The following KCNK2 variants were observed in gnomAD, a reference collection of about 807,000 sequenced individuals.
KCNK2 encodes potassium two pore domain channel subfamily K member 2.
KCNK2 carries 21 observed loss-of-function variants against 40.5 expected under a neutral mutation model. That is an observed-to-expected ratio of 0.52 (90% CI 0.37 to 0.75). The LOEUF (loss-of-function observed/expected upper bound fraction) is 0.75. Ranked by LOEUF, KCNK2 falls within the 30% of genes least tolerant of loss-of-function variation. KCNK2 has a pLI of 0.00. For synonymous variants in KCNK2, 191 were observed against 202.2 expected (o/e 0.94, Z 0.47); for missense variants, 399 against 531.6 (o/e 0.75, Z 2.45).
chr1:215,187,321 T>G (rs899821524), intron 5 of KCNK2, among the ~76,000 whole-genome samples: 8 of 152,182 alleles, frequency 5.3e-5, no homozygotes, highest in African/African-American at 1.9e-4. Context: ...ATGTGAGAAT[T>G]AGTGTTGATT....
rs530872890 is a variant in KCNK2, at chr1:215,169,422, T to G, written c.636+63T>G. ...TTTGATTTTTTTAAAAAATTATATC[T>G]TTTCTGTCACCTCAGATACAATTAG... is the stretch of plus-strand genomic sequence containing the variant. On this transcript the variant is annotated intron_variant, in intron 4 of 6. Transcript: ENST00000444842. 408 of 1,292,722 alleles carry G rather than the reference T, an allele frequency of 3.2e-4. 1 individual carries two copies. The highest frequency in any genetic ancestry group is 4.1e-4 in the Non-Finnish European group (377 of 928,228). 80.1% of individuals were successfully genotyped at this position (1,292,722 alleles called of 1,614,324 possible).
At chr1:215,152,400 G>A (rs1284527282) in intron 3 of KCNK2, among the ~76,000 whole-genome samples, 1 of 152,058 alleles carries the variant, frequency 6.6e-6, no homozygotes, top group Non-Finnish European at 1.5e-5. Flanking sequence ...CAGTCATCAG[G>A]AGCCCAAAAT....
intron 3 of KCNK2, among the ~76,000 whole-genome samples, chr1:215,152,051 T>C (rs1013365331): frequency 3.9e-5 from 6 of 152,174 alleles, no homozygotes; most frequent in Non-Finnish European, 7.4e-5. Flanking sequence ...ATTCTTTTGT[T>C]CACACTCCTT....
intron 1 of KCNK2, among the ~76,000 whole-genome samples, chr1:215,060,078 C>T (rs1658316167): frequency 6.6e-6 from 1 of 152,096 alleles, no homozygotes; most frequent in Non-Finnish European, 1.5e-5. Flanking sequence ...ATATTTGCTC[C>T]CTTCACTTTC....
At chr1:215,006,523 T>C (rs954556633) in intron 1 of KCNK2, among the ~76,000 whole-genome samples, 3 of 152,166 alleles carry the variant, frequency 2.0e-5, no homozygotes, top group African/African-American at 7.2e-5. Flanking sequence ...ATAGTTTATT[T>C]AGCAAGTAGT....
chr1:215,208,406 G>A (rs541708586), intron 6 of KCNK2, among the ~76,000 whole-genome samples: 29 of 152,180 alleles, frequency 1.9e-4, no homozygotes, highest in South Asian at 2.1e-4. Context: ...ATTGGGTACC[G>A]GGCTTAATAC....
intron 5 of KCNK2, among the ~76,000 whole-genome samples, chr1:215,178,883 C>G (rs937615728): frequency 2.6e-5 from 4 of 152,100 alleles, no homozygotes; most frequent in Non-Finnish European, 5.9e-5. Context: ...GGAGGAGTCC[C>G]TCCTCTTCAA....
intron 6 of KCNK2, among the ~76,000 whole-genome samples, chr1:215,233,218 T>C (rs981539229): frequency 2.6e-5 from 4 of 152,150 alleles, no homozygotes; most frequent in African/African-American, 7.2e-5. Flanking sequence ...CTACATGCCA[T>C]AGAGTTCTCA....
chr1:215,081,462 C>G (rs12092312), upstream of KCNK2, among the ~76,000 whole-genome samples: 21,571 of 143,506 alleles, frequency 0.15, 1,565 homozygotes, highest in Middle Eastern at 0.26. Flanking sequence ...TGAATTCCAG[C>G]AGGAAGGATA....
rs66479154 is a variant in KCNK2, at chr1:215,030,709, A to ATTTT, written c.34+24768_34+24771dup. The stretch of plus-strand genomic sequence containing the variant: ...ACCACCATACCAAGTTAATTTTTGT[A>ATTTT]TTTTTTTTTTTTTTTTTGGTAGAGA... On this transcript the variant is annotated intron_variant, in intron 1 of 6. Transcript: ENST00000391895. Among the ~76,000 whole-genome samples the ATTTT allele has an allele frequency of 1.7e-3, 236 of 140,252 alleles. 1 individual carries two copies. Among genetic ancestry groups the ATTTT allele is most frequent in the African/African-American group, 5.9e-3 (223 of 37,496 alleles). The allele number at this position is 140,252 out of a possible 152,430, so 92.0% of individuals were successfully genotyped here.
intron 1 of KCNK2, among the ~76,000 whole-genome samples, chr1:215,043,964 A>C (rs1226376563): frequency 6.6e-6 from 1 of 152,200 alleles, no homozygotes; most frequent in Non-Finnish European, 1.5e-5. Context: ...GAGAGAAAAG[A>C]TAGATGTATA....
chr1:215,073,348 G>A (rs1363027070), intron 1 of KCNK2, among the ~76,000 whole-genome samples: 1 of 152,214 alleles, frequency 6.6e-6, no homozygotes, highest in Non-Finnish European at 1.5e-5. Context: ...CTAAATAACA[G>A]TTGGAACAAG....
chr1:215,220,412 A>G (rs1327673881), intron 6 of KCNK2, among the ~76,000 whole-genome samples: 1 of 151,984 alleles, frequency 6.6e-6, no homozygotes, highest in African/African-American at 2.4e-5. Context: ...TTCTGACACT[A>G]TGTGCTGGGC....
chr1:215,051,301 G>C (rs1657978890), intron 1 of KCNK2, among the ~76,000 whole-genome samples: 1 of 152,126 alleles, frequency 6.6e-6, no homozygotes. Flanking sequence ...AGCTAAAATT[G>C]ATAAAGATAA....
chr1:215,104,676 T>G (rs1571617541), intron 2 of KCNK2, among the ~76,000 whole-genome samples: 2 of 152,084 alleles, frequency 1.3e-5, no homozygotes, highest in East Asian at 3.9e-4. Context: ...TAAATGGATT[T>G]TTAAAAAGGA....
rs191434457 is a variant in KCNK2 at position 215,159,341 on chromosome 1, G to A, written c.476-9858G>A. ...CTCTCAACTTCTCCTTGTCCTCTGC[G>A]CAGAGCATATAGGAACTTCTGGATT... On this transcript the variant is annotated intron_variant, in intron 3 of 6. Coordinates refer to ENST00000444842, the MANE Select transcript of KCNK2 (RefSeq NM_001017425.3). Among the ~76,000 whole-genome samples the A allele has an allele frequency of 6.6e-5, 10 of 152,182 alleles. No homozygotes were observed. The East Asian group carries it at 7.7e-4, about 12-fold the overall frequency.
At chr1:215,047,624 C>T (rs939522394) in intron 1 of KCNK2, among the ~76,000 whole-genome samples, 2 of 151,996 alleles carry the variant, frequency 1.3e-5, no homozygotes, top group African/African-American at 4.8e-5. Flanking sequence ...GATGTTTGCT[C>T]CCTCTGTTAG....
chr1:215,086,280 T>C, intron 1 of KCNK2, 88 bp from the exon 2 acceptor site: 4 of 1,099,734 alleles, frequency 3.6e-6, no homozygotes, highest in Non-Finnish European at 2.7e-6. Context: ...CGGAATTCAA[T>C]CAACCTTCTC....
At chr1:215,173,967 G>T (rs1316257673) in intron 5 of KCNK2, among the ~76,000 whole-genome samples, 4 of 152,102 alleles carry the variant, frequency 2.6e-5, no homozygotes, top group South Asian at 4.2e-4. Flanking sequence ...AGAAGCTCTT[G>T]AGTTTAATTA....
Sources: allele counts gnomAD v4.1 joint callset (sites outside exome capture counted in the v4.1 genomes callset), GRCh38; gene constraint gnomAD v4.1.1; transcripts MANE v1.5; gene names NCBI Gene and HGNC (gene_info 2026-07-23, HGNC 2026-07-21).